The following NAV2 variants were observed in gnomAD, a reference collection of about 807,000 sequenced individuals.
NAV2 encodes helicase, APC down-regulated 1.
Under a neutral mutation model 223.2 loss-of-function variants are expected in NAV2, and 54 were observed. That is an observed-to-expected ratio of 0.24 (90% CI 0.19 to 0.30). The LOEUF (loss-of-function observed/expected upper bound fraction) is 0.30, where lower values mean the gene tolerates loss of function less well. Among genes scored for constraint, NAV2 ranks in the 10% least tolerant of loss-of-function variants. The pLI is 1.00. For missense variants in NAV2, 2,806 were observed against 3,147.5 expected (o/e 0.89, Z 2.60); for synonymous variants, 1,279 against 1,239.3 (o/e 1.03, Z -0.67).
intron 12 of NAV2, among the ~76,000 whole-genome samples, chr11:20,036,793 C>T (rs1485553399): frequency 2.6e-5 from 4 of 152,212 alleles, no homozygotes; most frequent in Non-Finnish European, 5.9e-5. Context: ...ACCCCTTAGA[C>T]CTGCCACTCC....
intron 1 of NAV2, among the ~76,000 whole-genome samples, chr11:19,359,411 T>G (rs1354828764): frequency 6.6e-6 from 1 of 152,226 alleles, no homozygotes; most frequent in Non-Finnish European, 1.5e-5. Flanking sequence ...ATTTCATTGA[T>G]GTCTGTGTTG....
At chr11:19,622,180 G>A (rs186928688) in intron 1 of NAV2, among the ~76,000 whole-genome samples, 242 of 152,338 alleles carry the variant, frequency 1.6e-3, no homozygotes, top group Middle Eastern at 0.014. Flanking sequence ...TTCCAACTAC[G>A]TGGTCAATTT....
intron 1 of NAV2, among the ~76,000 whole-genome samples, chr11:19,815,482 T>A (rs2059046231): frequency 6.6e-6 from 1 of 152,252 alleles, no homozygotes; most frequent in Non-Finnish European, 1.5e-5. Context: ...GTTCTGAAGT[T>A]GGATGAACAC....
At chr11:19,485,041 CA>C (rs2042397507) in intron 1 of NAV2, among the ~76,000 whole-genome samples, 1 of 4,354 alleles carries the variant, frequency 2.3e-4, no homozygotes. Flanking sequence ...ACTAGAGGCC[CA>C]GAGGCCCAGG....
intron 1 of NAV2, among the ~76,000 whole-genome samples, chr11:19,550,025 C>T (rs987259268): frequency 7.9e-5 from 12 of 152,150 alleles, no homozygotes; most frequent in Non-Finnish European, 1.6e-4. Flanking sequence ...TGCGCCTCAG[C>T]CAGGGAGGGA....
At chr11:20,036,989 A>G (rs1431050200) in intron 12 of NAV2, among the ~76,000 whole-genome samples, 1 of 152,160 alleles carries the variant, frequency 6.6e-6, no homozygotes, top group African/African-American at 2.4e-5. Context: ...TTGGCAAGGG[A>G]TGGTTCTGAA....
chr11:19,378,636 C>T (rs1848725968), intron 1 of NAV2, among the ~76,000 whole-genome samples: 1 of 151,620 alleles, frequency 6.6e-6, no homozygotes, highest in South Asian at 2.1e-4. Context: ...TAGGGAGTCG[C>T]TCACGGAGGA....
intron 1 of NAV2, among the ~76,000 whole-genome samples, chr11:19,523,633 T>G (rs2134351449): frequency 6.6e-6 from 1 of 152,318 alleles, no homozygotes; most frequent in South Asian, 2.1e-4. Context: ...TTCTTTCTCC[T>G]CTAGGAAGTC....
intron 6 of NAV2, among the ~76,000 whole-genome samples, chr11:19,912,475 C>T (rs1024174962): frequency 6.6e-6 from 1 of 152,184 alleles, no homozygotes. Context: ...GAATGCCTGA[C>T]GCCCCTTACC....
intron 6 of NAV2, among the ~76,000 whole-genome samples, chr11:19,903,044 G>A (rs923064457): frequency 2.6e-5 from 4 of 152,116 alleles, no homozygotes; most frequent in Non-Finnish European, 5.9e-5. Context: ...TCTCTGGGCC[G>A]AGGACATGAC....
intron 6 of NAV2, among the ~76,000 whole-genome samples, chr11:19,926,163 TAAA>T (rs2044732147): frequency 6.6e-6 from 1 of 152,212 alleles, no homozygotes. Context: ...AAACAACTTT[TAAA>T]AAACATTTGA....
intron 1 of NAV2, among the ~76,000 whole-genome samples, chr11:19,662,992 G>A (rs2048326706): frequency 6.6e-6 from 1 of 152,170 alleles, no homozygotes; most frequent in South Asian, 2.1e-4. Context: ...GTCAGTTCTT[G>A]ATTGGGGAGT....
Position 20,103,633 on chromosome 11 carries a change from T to C in NAV2, c.6573-20T>C. On this transcript the variant is annotated intron_variant, in intron 33 of 37. Transcript: ENST00000349880. ...CTTGGCTTGGAATCACAGCTTTCTT[T>C]TCCTTTATTTTATCCGCAGCCCTTA... 6.2e-7 allele frequency: 1 copy of C among 1,613,476 alleles called. No individual in the cohort carries two copies. Among genetic ancestry groups the C allele is most frequent in the South Asian group, 1.1e-5 (1 of 91,078 alleles).
chr11:20,084,250 A>G (rs1445262804), intron 26 of NAV2, among the ~76,000 whole-genome samples: 1 of 152,182 alleles, frequency 6.6e-6, no homozygotes, highest in African/African-American at 2.4e-5. Flanking sequence ...GGCGCATGCC[A>G]CCATGCCCAG....
intron 1 of NAV2, among the ~76,000 whole-genome samples, chr11:19,705,996 A>G (rs2049651639): frequency 6.6e-6 from 1 of 152,164 alleles, no homozygotes; most frequent in Non-Finnish European, 1.5e-5. Flanking sequence ...CTCTAAGACC[A>G]TATACTCAGA....
chr11:19,957,562 A>G (rs575790707), intron 10 of NAV2, among the ~76,000 whole-genome samples: 5 of 152,312 alleles, frequency 3.3e-5, no homozygotes, highest in East Asian at 3.9e-4. Flanking sequence ...GGCAGCATAA[A>G]CTGAACACCT....
intron 1 of NAV2, among the ~76,000 whole-genome samples, chr11:19,764,580 T>C (rs551596724): frequency 6.6e-6 from 1 of 152,230 alleles, no homozygotes; most frequent in African/African-American, 2.4e-5. Context: ...AATTTTTTCC[T>C]TATAGGTTGT....
intron 1 of NAV2, among the ~76,000 whole-genome samples, chr11:19,639,258 T>C (rs1350609894): frequency 1.3e-5 from 2 of 152,288 alleles, no homozygotes; most frequent in Admixed American, 1.3e-4. Context: ...TTGTTTGACA[T>C]AGAAGATGAA....
At chr11:19,358,885 G>A (rs1473454220) in intron 1 of NAV2, among the ~76,000 whole-genome samples, 1 of 152,134 alleles carries the variant, frequency 6.6e-6, no homozygotes, top group African/African-American at 2.4e-5. Context: ...CTAAAAAGTA[G>A]GATAAATAAT....
Sources: allele counts gnomAD v4.1 joint callset (sites outside exome capture counted in the v4.1 genomes callset), GRCh38; gene constraint gnomAD v4.1.1; transcripts MANE v1.5; gene names NCBI Gene and HGNC (gene_info 2026-07-23, HGNC 2026-07-21).